Variants in ZNF808 observed in about 807,000 individuals in gnomAD.
ZNF808 encodes zinc finger protein 808.
ZNF808 carries 5 observed loss-of-function variants against 8.7 expected under a neutral mutation model. The ratio of observed to expected loss-of-function variants is 0.58; its 90% CI spans 0.30 to 1.21. The LOEUF (loss-of-function observed/expected upper bound fraction) is 1.21, where lower values mean the gene tolerates loss of function less well. Among genes scored for constraint, ZNF808 ranks in the 50% most tolerant of loss-of-function variants. The probability of loss-of-function intolerance (pLI) is 0.07; values close to 1 mark genes in which losing one functional copy is unlikely to be tolerated. For missense variants in ZNF808, 1,103 were observed against 1,098.4 expected (o/e 1.00, Z -0.06); for synonymous variants, 380 against 366.0 (o/e 1.04, Z -0.44).
intron 2 of ZNF808, among the ~76,000 whole-genome samples, chr19:52,535,639 C>T (rs921254067): frequency 1.3e-5 from 2 of 152,214 alleles, no homozygotes; most frequent in Non-Finnish European, 2.9e-5. Context: ...ACCCTCCCTC[C>T]TGAATGAATG....
At chr19:52,545,963 G>A (rs538795519) in intron 3 of ZNF808, among the ~76,000 whole-genome samples, 9 of 152,270 alleles carry the variant, frequency 5.9e-5, no homozygotes, top group African/African-American at 1.9e-4. Flanking sequence ...ATATTCAAAT[G>A]TGAATCCCAG....
chr19:52,553,036 A>T, intron 4 of ZNF808, 71 bp from the exon 5 acceptor site: 1 of 1,431,066 alleles, frequency 7.0e-7, no homozygotes, highest in Non-Finnish European at 9.2e-7. Flanking sequence ...TTTTTGTGTC[A>T]TATTTACACA....
chr19:52,554,229 A>G lies in ZNF808; in HGVS notation c.1313A>G (p.Gln438Arg), dbSNP rs567261496. 2 of 1,613,774 alleles carry G rather than the reference A, an allele frequency of 1.2e-6. No individual in the cohort carries two copies. The highest frequency in any genetic ancestry group is 3.3e-5 in the Admixed American group (2 of 59,992). Residue 438 changes from glutamine to arginine, a missense_variant, in exon 5 of 5, where the codon CAG (glutamine) becomes CGG (arginine). By Grantham distance (43) the Gln-to-Arg change is conservative. Coordinates refer to ENST00000359798, the MANE Select transcript of ZNF808 (RefSeq NM_001039886.4). ...KCEECDKVFS[Q>R]KSTLERHKRI... ...GAAGAATGTGACAAAGTTTTCAGTCAGAAATCAACCCTTGAGAGACATAAG... is the reference window on the plus strand; with the variant it reads ...GAAGAATGTGACAAAGTTTTCAGTCGGAAATCAACCCTTGAGAGACATAAG...
At chr19:52,568,246 C>T (rs886743905), downstream of ZNF808, among the ~76,000 whole-genome samples, 15 of 152,138 alleles carry the variant, frequency 9.9e-5, no homozygotes, top group Admixed American at 8.5e-4. Flanking sequence ...TGGTGGCGCA[C>T]GCCTGTATTT....
At chr19:52,563,461 A>T (rs1163020045) in exon 4 of ZNF808, 2 of 152,180 alleles carry the variant, frequency 1.3e-5, no homozygotes, top group African/African-American at 4.8e-5. Context: ...TGAGCCTGGG[A>T]GGTCAAGACT....
intron 2 of ZNF808, among the ~76,000 whole-genome samples, chr19:52,538,106 G>A (rs1397040861): frequency 6.6e-6 from 1 of 151,902 alleles, no homozygotes; most frequent in East Asian, 1.9e-4. Flanking sequence ...GACCTCTTAG[G>A]CTCAAGCGAT....
At chr19:52,538,624 GT>G in intron 2 of ZNF808, among the ~76,000 whole-genome samples, 1 of 132,924 alleles carries the variant, frequency 7.5e-6, no homozygotes, top group South Asian at 2.4e-4. Context: ...GCGAAACTCT[GT>G]CTCAAAAAAA....
At chr19:52,552,469 GTGGTGTGATCT>G (rs2059787138) in intron 4 of ZNF808, among the ~76,000 whole-genome samples, 1 of 150,806 alleles carries the variant, frequency 6.6e-6, no homozygotes, top group Non-Finnish European at 1.5e-5. Context: ...CAGGAGTGCA[GTGGTGTGATCT>G]TGGCTCACTG....
chr19:52,563,286 TTTA>T (rs2059863608), intron 3 of ZNF808: 1 of 152,162 alleles, frequency 6.6e-6, no homozygotes, highest in Admixed American at 6.6e-5. Flanking sequence ...GTTACAATAT[TTTA>T]TTAATTAATT....
chr19:52,553,913 C>A lies in ZNF808; in HGVS notation c.997C>A (p.His333Asn), dbSNP rs543381206. ...TCGTCAAAATTCAGCCCTTGTAATT[C>A]ATAAGGCAATTCATACTGGAGAGAA... ...VFRQNSALVIHKAIHTGEKPY... is the reference protein window; with the variant it reads ...VFRQNSALVINKAIHTGEKPY... Residue 333 changes from histidine to asparagine, a missense_variant, in exon 5 of 5, where the codon CAT becomes AAT. By Grantham distance (68) the His-to-Asn change is moderately conservative. Transcript: ENST00000359798. 6.2e-7 allele frequency: 1 copy of A among 1,614,094 alleles called. No homozygotes were observed. The highest frequency in any genetic ancestry group is 8.5e-7 in the Non-Finnish European group (1 of 1,180,026).
intron 1 of ZNF808, among the ~76,000 whole-genome samples, chr19:52,529,935 G>T (rs1219694315): frequency 6.7e-6 from 1 of 149,812 alleles, no homozygotes; most frequent in South Asian, 2.1e-4. Flanking sequence ...TAGAAACGTG[G>T]TTTCACTATG....
At chr19:52,547,775 T>C in intron 4 of ZNF808, 137 bp downstream of exon 4, 8 of 1,460,466 alleles carry the variant, frequency 5.5e-6, no homozygotes, top group South Asian at 2.8e-5. Context: ...GGAGTTTTGC[T>C]CTTGTTTCCC....
rs1261965960 is a variant in ZNF808 at position 52,533,842 on chromosome 19, CCAA to C, written c.-20+834_-20+836del. On this transcript the variant is annotated intron_variant, in intron 2 of 4. Coordinates refer to ENST00000359798, the MANE Select transcript of ZNF808 (RefSeq NM_001039886.4). ...TGGGTGACAAAGTGAGACTCCGTCT[CCAA>C]AAAAAAAAAAAAAAAAAAAAAAGGC... Among the ~76,000 whole-genome samples, 90 of 55,234 alleles carry C rather than the reference CCAA, an allele frequency of 1.6e-3. 1 individual carries two copies. The highest frequency in any genetic ancestry group is 7.1e-3 in the Admixed American group (26 of 3,664). The allele number at this position is 55,234 out of a possible 152,430, so 36.2% of individuals were successfully genotyped here.
At chr19:52,547,243 C>T (rs1034755264) in intron 3 of ZNF808, among the ~76,000 whole-genome samples, 57 of 152,124 alleles carry the variant, frequency 3.7e-4, no homozygotes, top group Middle Eastern at 6.8e-3. Context: ...CCACCTCACC[C>T]GGCCCTGTGT....
rs61734889 is a variant in ZNF808, at chr19:52,554,239, C to T, written c.1323C>T (p.Thr441=). The change falls in exon 5 of 5, where the codon ACC becomes ACT. Residue 441 remains threonine (T), a synonymous_variant. Coordinates refer to ENST00000359798, the MANE Select transcript of ZNF808 (RefSeq NM_001039886.4). ...ACAAAGTTTTCAGTCAGAAATCAACCCTTGAGAGACATAAGAGAATTCATA... is the reference window on the plus strand; with the variant it reads ...ACAAAGTTTTCAGTCAGAAATCAACTCTTGAGAGACATAAGAGAATTCATA... ...ECDKVFSQKS[T]LERHKRIHTG... is the part of the protein sequence containing the mutation. The T allele has an allele frequency of 9.6e-4, 1,555 of 1,613,252 alleles. 9 individuals are homozygous for T. The African/African-American group carries it at 0.018, about 18-fold the overall frequency.
At position 52,554,676 on chromosome 19, in the gene ZNF808, G is replaced by A. The variant is rs1329043969; in HGVS notation, c.1760G>A (p.Arg587Lys). 1.2e-6 allele frequency: 2 copies of A among 1,613,722 alleles called. No individual in the cohort carries two copies. The highest frequency in any genetic ancestry group is 1.7e-6 in the Non-Finnish European group (2 of 1,179,874). Reference protein sequence around the residue: ...NQQSHLSRHRRLHTGEKPYKC... With the variant: ...NQQSHLSRHRKLHTGEKPYKC... ...CAATCACATCTTTCACGTCATCGTA[G>A]ACTTCATACTGGAGAGAAACCTTAC... The change falls in exon 5 of 5, where the codon AGA becomes AAA. Residue 587 changes from arginine (R) to lysine (K), a missense_variant. Physicochemically the swap from Arg to Lys is conservative, Grantham distance 26 (BLOSUM62 2). Coordinates refer to ENST00000359798, the MANE Select transcript of ZNF808 (RefSeq NM_001039886.4).
chr19:52,558,617 G>A (rs894095909), downstream of ZNF808, among the ~76,000 whole-genome samples: 9 of 152,048 alleles, frequency 5.9e-5, no homozygotes, highest in East Asian at 3.9e-4. Flanking sequence ...TGATCCGCCC[G>A]CCTCGGCCTC....
At chr19:52,531,134 CAA>C (rs1568476699) in intron 1 of ZNF808, among the ~76,000 whole-genome samples, 1 of 151,938 alleles carries the variant, frequency 6.6e-6, no homozygotes, top group South Asian at 2.1e-4. Flanking sequence ...CTCAAAAAAA[CAA>C]AAAAAGAAAT....
At chr19:52,533,053 G>T (rs957715486) in intron 2 of ZNF808, 44 bp downstream of exon 2, 3 of 152,360 alleles carry the variant, frequency 2.0e-5, no homozygotes, top group Non-Finnish European at 4.4e-5. Flanking sequence ...GCCAATAAAT[G>T]AGAGGTATAA....
Sources: allele counts gnomAD v4.1 joint callset (sites outside exome capture counted in the v4.1 genomes callset), GRCh38; gene constraint gnomAD v4.1.1; transcripts MANE v1.5; gene names NCBI Gene and HGNC (gene_info 2026-07-23, HGNC 2026-07-21).